The following NRXN1 variants were observed in gnomAD, a reference collection of about 807,000 sequenced individuals.
NRXN1 encodes the protein neurexin 1, also known as neurexin-1.
A neutral mutation model predicts 150.9 loss-of-function variants in NRXN1; 39 were observed. The observed-to-expected ratio is 0.26, with a 90% CI of 0.20 to 0.34. The LOEUF (loss-of-function observed/expected upper bound fraction) is 0.34. Ranked by LOEUF, NRXN1 falls within the 10% of genes least tolerant of loss-of-function variation. The pLI, the probability that NRXN1 is intolerant of heterozygous loss-of-function variation, is 1.00. For synonymous variants in NRXN1, 924 were observed against 757.0 expected (o/e 1.22, Z -3.62); for missense variants, 1,815 against 1,949.9 (o/e 0.93, Z 1.30).
At chr2:50,193,811 A>G (rs906991033) in intron 18 of NRXN1, among the ~76,000 whole-genome samples, 2 of 152,100 alleles carry the variant, frequency 1.3e-5, no homozygotes, top group Non-Finnish European at 2.9e-5. Context: ...TCACAAAACT[A>G]TCTCAAGGAC....
chr2:50,070,051 C>T (rs968088818), intron 19 of NRXN1, among the ~76,000 whole-genome samples: 6 of 151,860 alleles, frequency 4.0e-5, no homozygotes, highest in Admixed American at 6.6e-5. Context: ...GGGTTTTCAC[C>T]GTGTTAGCCA....
chr2:50,089,661 G>T (rs1177262568), intron 19 of NRXN1, among the ~76,000 whole-genome samples: 1 of 151,808 alleles, frequency 6.6e-6, no homozygotes, highest in African/African-American at 2.4e-5. Context: ...ATGGTGGTGT[G>T]CACCTGTAGT....
intron 18 of NRXN1, among the ~76,000 whole-genome samples, chr2:50,222,723 A>C (rs2152859991): frequency 6.6e-6 from 1 of 152,068 alleles, no homozygotes; most frequent in Middle Eastern, 3.4e-3. Flanking sequence ...AAAGATGTAC[A>C]AAATATATTA....
At chr2:50,832,598 G>A (rs1209095672) in intron 5 of NRXN1, among the ~76,000 whole-genome samples, 1 of 152,158 alleles carries the variant, frequency 6.6e-6, no homozygotes, top group Non-Finnish European at 1.5e-5. Context: ...AGGTTGCAGT[G>A]AGCCAATGTC....
chr2:49,955,323 A>AT (rs1165564195), intron 21 of NRXN1, among the ~76,000 whole-genome samples: 3 of 152,154 alleles, frequency 2.0e-5, no homozygotes, highest in Admixed American at 2.0e-4. Context: ...TTTTTCAAAG[A>AT]TTTTATCTGC....
At chr2:50,900,229 G>A (rs1248418558) in intron 5 of NRXN1, among the ~76,000 whole-genome samples, 7 of 152,132 alleles carry the variant, frequency 4.6e-5, no homozygotes, top group Admixed American at 2.6e-4. Context: ...TCCACAACAT[G>A]TTGGACAATG....
At chr2:50,945,445 C>T (rs1442705804) in intron 2 of NRXN1, among the ~76,000 whole-genome samples, 2 of 151,814 alleles carry the variant, frequency 1.3e-5, no homozygotes, top group South Asian at 2.1e-4. Context: ...GCCTGGGTGA[C>T]AGAGTGAGAC....
intron 17 of NRXN1, among the ~76,000 whole-genome samples, chr2:50,272,933 A>G (rs2069897732): frequency 6.6e-6 from 1 of 152,154 alleles, no homozygotes; most frequent in Non-Finnish European, 1.5e-5. Flanking sequence ...TACAACCAAT[A>G]AGATAAAACC....
intron 18 of NRXN1, among the ~76,000 whole-genome samples, chr2:50,100,197 TG>T (rs1175820109): frequency 6.6e-6 from 1 of 152,138 alleles, no homozygotes; most frequent in Non-Finnish European, 1.5e-5. Context: ...CAGTAATCTG[TG>T]AAGCCTTTTG....
chr2:50,627,141 G>C (rs968700033), intron 5 of NRXN1, among the ~76,000 whole-genome samples: 2 of 151,778 alleles, frequency 1.3e-5, no homozygotes, highest in African/African-American at 4.8e-5. Flanking sequence ...TGCTGATGCT[G>C]ATAAGATAAA....
At chr2:50,355,780 T>G (rs2078763124) in intron 17 of NRXN1, among the ~76,000 whole-genome samples, 1 of 152,324 alleles carries the variant, frequency 6.6e-6, no homozygotes, top group Middle Eastern at 3.4e-3. Context: ...AACAGTGTAT[T>G]CACATTACTA....
intron 17 of NRXN1, among the ~76,000 whole-genome samples, chr2:50,249,302 T>G (rs1374862580): frequency 1.3e-5 from 2 of 152,072 alleles, no homozygotes; most frequent in Non-Finnish European, 2.9e-5. Context: ...CTTTTAGATT[T>G]CTTGAAAGTT....
chr2:50,788,080 T>G (rs1705386411), intron 5 of NRXN1, among the ~76,000 whole-genome samples: 2 of 151,940 alleles, frequency 1.3e-5, no homozygotes, highest in Non-Finnish European at 2.9e-5. Context: ...GCCTGCTTTA[T>G]TATCTTCCCC....
chr2:49,927,223 G>C (rs967257516), intron 22 of NRXN1, among the ~76,000 whole-genome samples: 1 of 152,148 alleles, frequency 6.6e-6, no homozygotes, highest in Non-Finnish European at 1.5e-5. Context: ...ACCAGAACAG[G>C]TTTTGTGTTT....
At chr2:50,813,103 A>C (rs2105776779) in intron 5 of NRXN1, among the ~76,000 whole-genome samples, 1 of 152,192 alleles carries the variant, frequency 6.6e-6, no homozygotes, top group East Asian at 1.9e-4. Context: ...CTGAGTCGGG[A>C]GGATGGCTTG....
intron 17 of NRXN1, among the ~76,000 whole-genome samples, chr2:50,287,538 C>T (rs1404381434): frequency 1.3e-5 from 2 of 151,998 alleles, no homozygotes; most frequent in African/African-American, 2.4e-5. Context: ...GTCTTATTTC[C>T]CTAAGATGGA....
At chr2:50,369,479 T>C (rs1455141845) in intron 17 of NRXN1, among the ~76,000 whole-genome samples, 3 of 152,012 alleles carry the variant, frequency 2.0e-5, no homozygotes, top group Non-Finnish European at 2.9e-5. Flanking sequence ...TAACAAATCC[T>C]ATATTTCCAA....
chr2:49,994,415 G>A (rs560804616), intron 21 of NRXN1, among the ~76,000 whole-genome samples: 5 of 152,276 alleles, frequency 3.3e-5, no homozygotes, highest in African/African-American at 1.2e-4. Context: ...TCCTTGTAAG[G>A]CATTAAAGGA....
At chr2:50,220,820 G>T (rs760388722) in intron 18 of NRXN1, among the ~76,000 whole-genome samples, 2 of 151,960 alleles carry the variant, frequency 1.3e-5, no homozygotes, top group Non-Finnish European at 2.9e-5. Flanking sequence ...TCCTCAGAGA[G>T]CAAATCTTGT....
Sources: allele counts gnomAD v4.1 joint callset (sites outside exome capture counted in the v4.1 genomes callset), GRCh38; gene constraint gnomAD v4.1.1; transcripts MANE v1.5; gene names NCBI Gene and HGNC (gene_info 2026-07-23, HGNC 2026-07-21).